Variants in SPAG17 observed in about 807,000 individuals in gnomAD.
SPAG17 encodes the protein sperm-associated antigen 17.
In SPAG17, 169 loss-of-function variants were observed where a neutral mutation model predicts 273.6. The ratio of observed to expected loss-of-function variants is 0.62; its 90% CI spans 0.55 to 0.70. SPAG17 has a LOEUF of 0.70. Among genes scored for constraint, SPAG17 ranks in the 30% least tolerant of loss-of-function variants. SPAG17 has a pLI of 0.00. For synonymous variants in SPAG17, 825 were observed against 873.2 expected (o/e 0.94, Z 0.97); for missense variants, 2,557 against 2,627.8 (o/e 0.97, Z 0.59).
intron 20 of SPAG17, among the ~76,000 whole-genome samples, chr1:118,048,155 G>T (rs1269544211): frequency 6.6e-6 from 1 of 152,170 alleles, no homozygotes; most frequent in Non-Finnish European, 1.5e-5. Context: ...ATGGACTCAG[G>T]CTCCATGCCC....
intron 24 of SPAG17, among the ~76,000 whole-genome samples, chr1:118,035,264 A>T (rs1205388124): frequency 6.6e-6 from 1 of 152,216 alleles, no homozygotes; most frequent in Admixed American, 6.5e-5. Flanking sequence ...GAAATTAGGA[A>T]CATCTGTTTA....
At chr1:118,119,294 C>G (rs760447581) in intron 3 of SPAG17, among the ~76,000 whole-genome samples, 28 of 152,172 alleles carry the variant, frequency 1.8e-4, no homozygotes, top group Non-Finnish European at 3.8e-4. Context: ...GCTGCATATT[C>G]AATCTCGAGT....
intron 30 of SPAG17, among the ~76,000 whole-genome samples, chr1:118,010,427 T>A (rs1659356270): frequency 6.6e-6 from 1 of 152,186 alleles, no homozygotes; most frequent in South Asian, 2.1e-4. Flanking sequence ...TACAGTCATC[T>A]GATCTTAAAC....
intron 5 of SPAG17, among the ~76,000 whole-genome samples, chr1:118,101,219 A>G (rs113909868): frequency 3.3e-5 from 5 of 152,220 alleles, no homozygotes; most frequent in African/African-American, 7.2e-5. Context: ...GTTCAAGGCC[A>G]CTCTTGGCAA....
At chr1:117,993,849 C>A (rs1015123237) in intron 35 of SPAG17, among the ~76,000 whole-genome samples, 1 of 151,976 alleles carries the variant, frequency 6.6e-6, no homozygotes, top group African/African-American at 2.4e-5. Flanking sequence ...TGATTCTTAC[C>A]CAAGATATTT....
chr1:118,126,276 G>T (rs1230973285), intron 3 of SPAG17, among the ~76,000 whole-genome samples: 1 of 147,476 alleles, frequency 6.8e-6, no homozygotes, highest in Non-Finnish European at 1.5e-5. Context: ...CGCGATCTCG[G>T]CTCACTGCAA....
chr1:117,972,912 C>T (rs1184784615), intron 44 of SPAG17, among the ~76,000 whole-genome samples: 1 of 152,080 alleles, frequency 6.6e-6, no homozygotes, highest in East Asian at 1.9e-4. Flanking sequence ...TCTACAATGG[C>T]TGAATTATAG....
intron 15 of SPAG17, 50 bp downstream of exon 15, chr1:118,081,051 A>T: frequency 7.4e-7 from 1 of 1,344,154 alleles, no homozygotes; most frequent in Non-Finnish European, 1.0e-6. Flanking sequence ...GTACTATAAT[A>T]GTGTCTTACA....
intron 32 of SPAG17, among the ~76,000 whole-genome samples, chr1:118,002,809 C>T (rs556360788): frequency 6.6e-6 from 1 of 152,268 alleles, no homozygotes; most frequent in South Asian, 2.1e-4. Context: ...TTAATTGGGG[C>T]ATTTAGCCCA....
chr1:117,987,836 C>T lies in SPAG17; in HGVS notation c.5667G>A (p.Thr1889=), dbSNP rs771676007. 15 of 1,612,164 alleles carry T rather than the reference C, an allele frequency of 9.3e-6. No individual in the cohort carries two copies. The highest frequency in any genetic ancestry group is 2.2e-5 in the South Asian group (2 of 91,054). ...TGTGCGTTTTGGGGTATAATTACCT[C>T]GTTTTGTCTATCTTTTCTTTCCAGC... is the stretch of plus-strand genomic sequence containing the variant. The part of the protein sequence containing the change: ...SKRWKEKIDK[T]RKEIETTQNY... The change falls in exon 40 of 49, where the codon ACG becomes ACA. Residue 1889 remains threonine, a splice_region_variant and synonymous_variant. Transcript: ENST00000336338.
intron 43 of SPAG17, among the ~76,000 whole-genome samples, chr1:117,977,348 T>C (rs1334515107): frequency 6.6e-6 from 1 of 151,940 alleles, no homozygotes; most frequent in Non-Finnish European, 1.5e-5. Context: ...AAATAAATAT[T>C]CTTTTCTCTT....
At chr1:117,963,981 T>C in intron 47 of SPAG17, 43 bp from the exon 48 acceptor site, 1 of 1,580,274 alleles carries the variant, frequency 6.3e-7, no homozygotes, top group Non-Finnish European at 8.6e-7. Context: ...GACTAAATTA[T>C]TTGCATATAT....
chr1:118,005,318 G>A lies in SPAG17; in HGVS notation c.4776+96C>T, dbSNP rs1429886549. ...CAGTAAGTGGATAATTAATCCCAAG[G>A]CAACTAAGGTAAAAATCTACATGGA... On this transcript the variant is annotated intron_variant, in intron 32 of 48. Coordinates refer to ENST00000336338, the MANE Select transcript of SPAG17 (RefSeq NM_206996.4). 3.4e-5 allele frequency: 36 copies of A among 1,053,608 alleles called. 1 individual carries two copies. The Admixed American group carries it at 8.0e-4, about 23-fold the overall frequency. The allele number at this position is 1,053,608 out of a possible 1,614,324, so 65.3% of individuals were successfully genotyped here.
chr1:118,092,751 C>T (rs1166525667), intron 8 of SPAG17, among the ~76,000 whole-genome samples: 3 of 152,182 alleles, frequency 2.0e-5, no homozygotes, highest in South Asian at 2.1e-4. Context: ...CATCATGCTA[C>T]GTTGAAATCA....
At chr1:118,104,220 A>T (rs1169559162) in intron 4 of SPAG17, among the ~76,000 whole-genome samples, 1 of 152,222 alleles carries the variant, frequency 6.6e-6, no homozygotes, top group Non-Finnish European at 1.5e-5. Flanking sequence ...TGTATCTTGG[A>T]TATTGAAACT....
chr1:118,052,319 G>T (rs953646186), intron 20 of SPAG17, among the ~76,000 whole-genome samples: 2 of 151,634 alleles, frequency 1.3e-5, no homozygotes, highest in Non-Finnish European at 2.9e-5. Flanking sequence ...AATAGCACAT[G>T]ATTGCACTTA....
At chr1:117,971,729 CTGAA>C in intron 45 of SPAG17, 130 bp downstream of exon 45, 2 of 662,986 alleles carry the variant, frequency 3.0e-6, no homozygotes, top group Non-Finnish European at 4.9e-6. Context: ...GTGTAAATGA[CTGAA>C]TGAATAATGT....
intron 7 of SPAG17, among the ~76,000 whole-genome samples, chr1:118,093,527 T>C (rs1251293120): frequency 6.6e-6 from 1 of 152,206 alleles, no homozygotes; most frequent in Non-Finnish European, 1.5e-5. Context: ...ATATGGACTG[T>C]TTCCTTTGGA....
intron 3 of SPAG17, among the ~76,000 whole-genome samples, chr1:118,142,682 G>A (rs1240126358): frequency 4.6e-5 from 7 of 152,118 alleles, no homozygotes; most frequent in Admixed American, 2.6e-4. Context: ...AGCTTTATAA[G>A]ATAGATACTA....
Sources: allele counts gnomAD v4.1 joint callset (sites outside exome capture counted in the v4.1 genomes callset), GRCh38; gene constraint gnomAD v4.1.1; transcripts MANE v1.5; gene names NCBI Gene and HGNC (gene_info 2026-07-23, HGNC 2026-07-21).